Variants in PLGRKT observed in about 807,000 individuals in gnomAD.
The protein encoded by PLGRKT is plasminogen receptor (KT).
PLGRKT carries 22 observed loss-of-function variants against 18.5 expected under a neutral mutation model. That is an observed-to-expected ratio of 1.19 (90% confidence interval 0.85 to 1.70). PLGRKT has a LOEUF of 1.70. Among genes scored for constraint, PLGRKT ranks in the 40% most tolerant of loss-of-function variants. The pLI is 0.00. For synonymous variants in PLGRKT, 72 were observed against 52.8 expected, an observed-to-expected ratio of 1.36 and a Z score of -1.58; for missense variants, 235 against 174.4, an observed-to-expected ratio of 1.35 and a Z score of -1.96.
intron 3 of PLGRKT, among the ~76,000 whole-genome samples, chr9:5,403,838 C>G (rs547066898): frequency 6.6e-6 from 1 of 152,226 alleles, no homozygotes; most frequent in East Asian, 1.9e-4. Context: ...AAGGAAATAC[C>G]ATTTCTATGG....
At chr9:5,420,386 T>A (rs537994976) in intron 3 of PLGRKT, among the ~76,000 whole-genome samples, 88 of 152,262 alleles carry the variant, frequency 5.8e-4, no homozygotes, top group African/African-American at 1.9e-3. Flanking sequence ...GACTTTAAAA[T>A]GGTGACGTTT....
intron 3 of PLGRKT, among the ~76,000 whole-genome samples, chr9:5,372,602 C>G (rs1305618053): frequency 6.6e-6 from 1 of 152,212 alleles, no homozygotes; most frequent in Non-Finnish European, 1.5e-5. Context: ...CAGCTACTGC[C>G]TCCTGCCACA....
intron 3 of PLGRKT, among the ~76,000 whole-genome samples, chr9:5,382,639 G>A (rs367977746): frequency 3.4e-4 from 52 of 152,346 alleles, no homozygotes; most frequent in East Asian, 2.5e-3. Flanking sequence ...GTTAGACTTC[G>A]TGGGGAGCCA....
chr9:5,437,849 T>C lies in PLGRKT; in HGVS notation c.-193A>G, dbSNP rs1372816562. The C allele has an allele frequency of 6.6e-6, 1 of 152,222 alleles. No homozygotes were observed. Among genetic ancestry groups the C allele is most frequent in the Non-Finnish European group, 1.5e-5 (1 of 68,050 alleles). 9.4% of individuals were successfully genotyped at this position (152,222 alleles called of 1,614,324 possible). A position where few individuals can be genotyped will look rare whatever the true frequency, so the allele number is the denominator to read the frequency against. ...CGCAAACCTCCAGGCCCGGGCTCCT[T>C]TCGCCCGCTGCAGGGACCGGGCCTC... On this transcript the variant is annotated 5_prime_UTR_variant, in exon 1 of 6. Transcript: ENST00000223864.
At chr9:5,382,877 G>A (rs1315912605) in intron 3 of PLGRKT, among the ~76,000 whole-genome samples, 2 of 152,184 alleles carry the variant, frequency 1.3e-5, no homozygotes, top group Non-Finnish European at 2.9e-5. Flanking sequence ...GTGGGAACCT[G>A]AATGTGGGTG....
chr9:5,389,089 G>C (rs1817898036), intron 3 of PLGRKT, among the ~76,000 whole-genome samples: 1 of 151,942 alleles, frequency 6.6e-6, no homozygotes, highest in Non-Finnish European at 1.5e-5. Flanking sequence ...ACATGGACTT[G>C]TGTTAGATAT....
intron 3 of PLGRKT, among the ~76,000 whole-genome samples, chr9:5,409,345 C>T (rs369214355): frequency 3.9e-5 from 6 of 152,180 alleles, no homozygotes; most frequent in South Asian, 2.1e-4. Context: ...GGCAGAAAGA[C>T]GTGAAAAGGT....
chr9:5,420,627 C>T (rs1459685119), intron 3 of PLGRKT, among the ~76,000 whole-genome samples: 2 of 152,114 alleles, frequency 1.3e-5, no homozygotes, highest in Non-Finnish European at 2.9e-5. Flanking sequence ...AAAGACACTT[C>T]CAGGTTAAGT....
At chr9:5,389,687 G>A (rs190137609) in intron 3 of PLGRKT, among the ~76,000 whole-genome samples, 13 of 151,920 alleles carry the variant, frequency 8.6e-5, no homozygotes, top group African/African-American at 3.2e-4. Flanking sequence ...AGAAGGGGCT[G>A]GGAATTTTCT....
intron 3 of PLGRKT, among the ~76,000 whole-genome samples, chr9:5,364,700 A>G (rs1817344694): frequency 6.6e-6 from 1 of 152,224 alleles, no homozygotes; most frequent in African/African-American, 2.4e-5. Context: ...ACTGTACTCT[A>G]GTGAGTAAAA....
At chr9:5,393,772 A>G (rs1277540689) in intron 3 of PLGRKT, among the ~76,000 whole-genome samples, 1 of 151,852 alleles carries the variant, frequency 6.6e-6, no homozygotes, top group Non-Finnish European at 1.5e-5. Flanking sequence ...CTTTCTAACA[A>G]TATTTAACCA....
At chr9:5,434,572 G>A (rs1350647994) in intron 2 of PLGRKT, among the ~76,000 whole-genome samples, 1 of 149,164 alleles carries the variant, frequency 6.7e-6, no homozygotes, top group Non-Finnish European at 1.5e-5. Context: ...GCCCCGTCTG[G>A]GAAGTGGGCG....
intron 3 of PLGRKT, among the ~76,000 whole-genome samples, chr9:5,374,236 T>G (rs2131081084): frequency 6.6e-6 from 1 of 152,314 alleles, no homozygotes; most frequent in East Asian, 1.9e-4. Context: ...CAGCCCCTAC[T>G]CCAGTTCAGA....
At chr9:5,391,742 A>C (rs1384732014) in intron 3 of PLGRKT, among the ~76,000 whole-genome samples, 1 of 151,984 alleles carries the variant, frequency 6.6e-6, no homozygotes, top group Non-Finnish European at 1.5e-5. Context: ...AGTCGTATTC[A>C]TGCTTTGTCT....
chr9:5,436,361 G>A (rs56111336), intron 2 of PLGRKT, among the ~76,000 whole-genome samples: 6,605 of 152,296 alleles, frequency 0.043, 372 homozygotes, highest in African/African-American at 0.12. Flanking sequence ...AGGAGTGGAT[G>A]ACTAAATTTT....
chr9:5,382,053 C>T, intron 3 of PLGRKT: 1 of 971,362 alleles, frequency 1.0e-6, no homozygotes, highest in Non-Finnish European at 1.2e-6. Context: ...GTCATATTAG[C>T]CTCACAACTT....
At chr9:5,384,996 G>C (rs1163955796) in intron 3 of PLGRKT, among the ~76,000 whole-genome samples, 1 of 152,156 alleles carries the variant, frequency 6.6e-6, no homozygotes, top group Non-Finnish European at 1.5e-5. Context: ...GAGGGAAGAT[G>C]AAGTAGAAAT....
At chr9:5,359,665 A>G (rs1817219841) in intron 5 of PLGRKT, among the ~76,000 whole-genome samples, 1 of 152,204 alleles carries the variant, frequency 6.6e-6, no homozygotes, top group Admixed American at 6.5e-5. Context: ...AAAAACTATA[A>G]TCTACATTTT....
At position 5,405,744 on chromosome 9, in the gene PLGRKT, A is replaced by G. The variant is rs138889737; in HGVS notation, c.81+26153T>C. 1.2e-3 allele frequency among the ~76,000 whole-genome samples: 185 copies of G among 152,320 alleles called. 1 individual carries two copies. The highest frequency in any genetic ancestry group is 4.4e-3 in the African/African-American group (181 of 41,580). On this transcript the variant is annotated intron_variant, in intron 3 of 5. Transcript: ENST00000223864. Reference sequence around the variant, plus strand: ...TGCCAAAGGCAACTGCAACAAAAGCAAAAATTGACAAATGGGATCTAATTA... The same window carrying G: ...TGCCAAAGGCAACTGCAACAAAAGCGAAAATTGACAAATGGGATCTAATTA...
Sources: gnomAD v4.1 joint callset for allele counts (sites outside exome capture counted in the v4.1 genomes callset) on GRCh38, gnomAD v4.1.1 for gene constraint, MANE v1.5 for transcripts, NCBI Gene and HGNC (gene_info 2026-07-23, HGNC 2026-07-21) for gene names.